The following SPATA6 variants were observed in gnomAD, a reference collection of about 807,000 sequenced individuals.
SPATA6 encodes the protein spermatogenesis-associated protein 6.
SPATA6 carries 56 observed loss-of-function variants against 65.3 expected under a neutral mutation model. The ratio of observed to expected loss-of-function variants is 0.86; its 90% CI spans 0.69 to 1.07. SPATA6 has a LOEUF of 1.07. Among genes scored for constraint, SPATA6 ranks in the 50% least tolerant of loss-of-function variants. The probability of loss-of-function intolerance (pLI) is 0.00; values close to 1 mark genes in which losing one functional copy is unlikely to be tolerated. For missense variants in SPATA6, 590 were observed against 594.8 expected (o/e 0.99, Z 0.08); for synonymous variants, 199 against 213.2 (o/e 0.93, Z 0.58).
At chr1:48,278,486 A>C in the SPATA6 span, among the ~76,000 whole-genome samples, 5 of 152,228 alleles carry the variant, frequency 3.3e-5, no homozygotes, top group Non-Finnish European at 7.3e-5. Flanking sequence ...GAACTGCTTA[A>C]AGGAGCTGAT....
chr1:48,356,298 T>C (rs79714577), intron 10 of SPATA6, among the ~76,000 whole-genome samples: 2 of 151,926 alleles, frequency 1.3e-5, no homozygotes, highest in Non-Finnish European at 2.9e-5. Context: ...ATTAAAGATA[T>C]GAAAGAAGAA....
intron 3 of SPATA6, among the ~76,000 whole-genome samples, chr1:48,446,901 T>G (rs1215141148): frequency 6.6e-6 from 1 of 152,134 alleles, no homozygotes; most frequent in African/African-American, 2.4e-5. Flanking sequence ...ATGTTTGAAC[T>G]GCATAGGTCC....
At chr1:48,301,200 AAATT>A (rs1644929351) in intron 12 of SPATA6, among the ~76,000 whole-genome samples, 1 of 152,104 alleles carries the variant, frequency 6.6e-6, no homozygotes, top group Non-Finnish European at 1.5e-5. Flanking sequence ...GCAAAATAAA[AAATT>A]AACATGCAAT....
chr1:48,452,508 C>G (rs571307500), intron 2 of SPATA6, among the ~76,000 whole-genome samples: 1 of 151,810 alleles, frequency 6.6e-6, no homozygotes, highest in African/African-American at 2.4e-5. Flanking sequence ...CTCAGCCTCC[C>G]GAGTAAGTGG....
intron 11 of SPATA6, among the ~76,000 whole-genome samples, chr1:48,316,452 A>T (rs1355823115): frequency 6.6e-6 from 1 of 152,218 alleles, no homozygotes; most frequent in East Asian, 1.9e-4. Flanking sequence ...CTATTTAATA[A>T]ATAGTGCTGG....
chr1:48,369,231 C>G (rs909922346), intron 9 of SPATA6, among the ~76,000 whole-genome samples: 2 of 152,168 alleles, frequency 1.3e-5, no homozygotes, highest in Non-Finnish European at 2.9e-5. Context: ...TTAGGCTGCT[C>G]GGGTGTCAGG....
At chr1:48,301,076 C>T (rs1490482167) in intron 12 of SPATA6, among the ~76,000 whole-genome samples, 1 of 151,730 alleles carries the variant, frequency 6.6e-6, no homozygotes, top group South Asian at 2.1e-4. Flanking sequence ...AAAGGGGATC[C>T]AAACTGAAAA....
intron 9 of SPATA6, among the ~76,000 whole-genome samples, chr1:48,364,183 T>C (rs1185216020): frequency 1.3e-5 from 2 of 152,258 alleles, no homozygotes; most frequent in African/African-American, 4.8e-5. Flanking sequence ...TGCCACATTT[T>C]CTTAATCCAA....
chr1:48,466,012 G>A (rs1657781048), intron 1 of SPATA6, among the ~76,000 whole-genome samples: 1 of 151,922 alleles, frequency 6.6e-6, no homozygotes, highest in Non-Finnish European at 1.5e-5. Context: ...GCAGGATACC[G>A]AACAATTAAT....
intron 11 of SPATA6, among the ~76,000 whole-genome samples, chr1:48,308,128 G>C (rs1412676147): frequency 6.6e-6 from 1 of 151,680 alleles, no homozygotes; most frequent in Non-Finnish European, 1.5e-5. Context: ...ATTTACATTT[G>C]CCATTTTGCT....
chr1:48,357,065 C>CT (rs1360461075), intron 10 of SPATA6, among the ~76,000 whole-genome samples: 8 of 152,072 alleles, frequency 5.3e-5, no homozygotes, highest in Admixed American at 2.0e-4. Flanking sequence ...TTCAATGATA[C>CT]TATTAGAGGA....
At chr1:48,450,688 G>C (rs900741312) in intron 3 of SPATA6, among the ~76,000 whole-genome samples, 3 of 152,152 alleles carry the variant, frequency 2.0e-5, no homozygotes, top group Non-Finnish European at 4.4e-5. Flanking sequence ...GAGTTATTTG[G>C]AGAAGAGTCA....
chr1:48,291,558 G>A (rs1048523646), downstream of SPATA6, among the ~76,000 whole-genome samples: 49 of 152,056 alleles, frequency 3.2e-4, no homozygotes, highest in African/African-American at 1.1e-3. Flanking sequence ...GCCCGCAGAC[G>A]AAAAGGCTGG....
At chr1:48,463,399 T>C (rs1354612761) in intron 1 of SPATA6, among the ~76,000 whole-genome samples, 1 of 152,096 alleles carries the variant, frequency 6.6e-6, no homozygotes, top group East Asian at 1.9e-4. Flanking sequence ...ACGTAAATCT[T>C]ATGCATCTTG....
chr1:48,349,157 C>A (rs905526442), intron 11 of SPATA6, among the ~76,000 whole-genome samples: 2 of 151,894 alleles, frequency 1.3e-5, no homozygotes, highest in East Asian at 3.9e-4. Context: ...TTTTAGTGCA[C>A]AATGATAAAA....
chr1:48,399,244 A>G, intron 7 of SPATA6, 107 bp downstream of exon 7: 1 of 1,285,682 alleles, frequency 7.8e-7, no homozygotes, highest in Non-Finnish European at 1.1e-6. Flanking sequence ...TCAGAAGAGA[A>G]AAGTATTATT....
chr1:48,439,650 A>C (rs572985511), intron 3 of SPATA6, among the ~76,000 whole-genome samples: 6 of 152,180 alleles, frequency 3.9e-5, no homozygotes, highest in Non-Finnish European at 8.8e-5. Flanking sequence ...GAAAACAAAC[A>C]AACCAAAACC....
intron 1 of SPATA6, among the ~76,000 whole-genome samples, chr1:48,454,891 G>T (rs1373321105): frequency 6.6e-6 from 1 of 152,144 alleles, no homozygotes; most frequent in Non-Finnish European, 1.5e-5. Context: ...ACAATTATTA[G>T]ATTAAAAACC....
chr1:48,444,549 G>A (rs1051039135), intron 3 of SPATA6, among the ~76,000 whole-genome samples: 14 of 150,962 alleles, frequency 9.3e-5, no homozygotes, highest in African/African-American at 3.1e-4. Flanking sequence ...TCTGTAAAAC[G>A]GACCAATCAG....
Sources: allele counts gnomAD v4.1 joint callset (sites outside exome capture counted in the v4.1 genomes callset), GRCh38; gene constraint gnomAD v4.1.1; transcripts MANE v1.5; gene names NCBI Gene and HGNC (gene_info 2026-07-23, HGNC 2026-07-21).